Variants in ANKS1A observed in about 807,000 individuals in gnomAD.
ANKS1A encodes ankyrin repeat and SAM domain-containing protein 1A.
Under a neutral mutation model 120.3 loss-of-function variants are expected in ANKS1A, and 55 were observed. That is an observed-to-expected ratio of 0.46 (90% CI 0.37 to 0.57). The LOEUF (loss-of-function observed/expected upper bound fraction) is 0.57, where lower values mean the gene tolerates loss of function less well. ANKS1A is among the 20% of genes least tolerant of loss of function. The probability of loss-of-function intolerance (pLI) is 0.00; values close to 1 mark genes in which losing one functional copy is unlikely to be tolerated. For missense variants in ANKS1A, 1,123 were observed against 1,480.3 expected, an observed-to-expected ratio of 0.76 and a Z score of 3.96; for synonymous variants, 590 against 604.7, an observed-to-expected ratio of 0.98 and a Z score of 0.36.
At chr6:35,027,717 C>T (rs1742882588) in intron 11 of ANKS1A, among the ~76,000 whole-genome samples, 1 of 152,200 alleles carries the variant, frequency 6.6e-6, no homozygotes, top group Non-Finnish European at 1.5e-5. Context: ...TCTCTGATCT[C>T]AGCTCTGTGA....
chr6:35,019,393 A>G (rs1286564081), intron 11 of ANKS1A, among the ~76,000 whole-genome samples: 1 of 152,238 alleles, frequency 6.6e-6, no homozygotes, highest in East Asian at 1.9e-4. Context: ...TATGTAAACC[A>G]AAGCCAATCC....
intron 11 of ANKS1A, among the ~76,000 whole-genome samples, chr6:35,035,526 TA>T (rs919568558): frequency 6.6e-6 from 1 of 152,218 alleles, no homozygotes; most frequent in East Asian, 1.9e-4. Flanking sequence ...TATAGGTGGG[TA>T]AATGTGCCCC....
downstream of ANKS1A, among the ~76,000 whole-genome samples, chr6:35,095,428 A>C (rs911560776): frequency 6.6e-5 from 10 of 151,204 alleles, no homozygotes; most frequent in Non-Finnish European, 1.3e-4. Context: ...ATGGCGGTGC[A>C]TGCCTATAAT....
intron 13 of ANKS1A, among the ~76,000 whole-genome samples, chr6:35,069,124 C>T (rs1441619451): frequency 6.6e-6 from 1 of 152,202 alleles, no homozygotes; most frequent in African/African-American, 2.4e-5. Context: ...CCAGGCCTTT[C>T]CCACTGGTTC....
At chr6:35,069,141 G>A (rs921886884) in intron 13 of ANKS1A, among the ~76,000 whole-genome samples, 27 of 152,154 alleles carry the variant, frequency 1.8e-4, no homozygotes, top group African/African-American at 6.0e-4. Flanking sequence ...GTTCAAGGTC[G>A]GTAAGCCCTG....
At chr6:35,067,545 T>C (rs1344711058) in intron 13 of ANKS1A, among the ~76,000 whole-genome samples, 1 of 152,048 alleles carries the variant, frequency 6.6e-6, no homozygotes, top group Non-Finnish European at 1.5e-5. Context: ...GTTGGTGCCG[T>C]CGCCACAGGT....
intron 1 of ANKS1A, among the ~76,000 whole-genome samples, chr6:34,891,613 C>G (rs1040244435): frequency 1.3e-5 from 2 of 152,124 alleles, no homozygotes; most frequent in African/African-American, 2.4e-5. Flanking sequence ...CTCCCACCCT[C>G]AAACACAGGT....
chr6:35,092,557 C>T (rs1778341410), downstream of ANKS1A, among the ~76,000 whole-genome samples: 1 of 152,190 alleles, frequency 6.6e-6, no homozygotes, highest in Admixed American at 6.5e-5. Flanking sequence ...GGAGGCCTCA[C>T]ATTCCAGAGG....
At chr6:35,020,125 G>T (rs1469957834) in intron 11 of ANKS1A, among the ~76,000 whole-genome samples, 1 of 152,002 alleles carries the variant, frequency 6.6e-6, no homozygotes, top group East Asian at 1.9e-4. Flanking sequence ...ACCAGGTAGT[G>T]AGAGGGCCTC....
At position 35,044,765 on chromosome 6, in the gene ANKS1A, A is replaced by G. The variant is rs1325652795; in HGVS notation, c.2011-9334A>G. On this transcript the variant is annotated intron_variant, in intron 11 of 23. Transcript: ENST00000360359. The surrounding 1 kb of genome is among the most constrained non-coding windows in gnomAD (Gnocchi z 4.4). Reference sequence around the variant, plus strand: ...AAACAAAACAACAAAAAACAAAGGAACCTGGATTTTGATTAACTTGTTTTT... The same window carrying G: ...AAACAAAACAACAAAAAACAAAGGAGCCTGGATTTTGATTAACTTGTTTTT... Among the ~76,000 whole-genome samples the G allele has an allele frequency of 1.3e-5, 2 of 152,166 alleles. No individual in the cohort carries two copies. The highest frequency in any genetic ancestry group is 2.9e-5 in the Non-Finnish European group (2 of 68,044).
At chr6:34,915,685 T>A (rs1032833608) in intron 1 of ANKS1A, among the ~76,000 whole-genome samples, 3 of 152,114 alleles carry the variant, frequency 2.0e-5, no homozygotes, top group African/African-American at 7.2e-5. Flanking sequence ...GGTTTTTATA[T>A]TCCCAAGATG....
rs200759331 is a variant in ANKS1A, at chr6:35,086,961, C to T, written c.3313C>T (p.Pro1105Ser). Residue 1105 changes from proline (P) to serine (S), a missense_variant, in exon 23 of 24, where the codon CCT (proline) becomes TCT (serine). Pro to Ser is a moderately conservative substitution (Grantham distance 74). Around this residue, in one of 3 missense-constraint regions of ANKS1A, gnomAD observed 904 missense variants for 1,130.4 expected, o/e 0.80. Coordinates refer to ENST00000360359, the MANE Select transcript of ANKS1A (RefSeq NM_015245.3). This position sits in a 1 kb window ranked among gnomAD's most constrained non-coding sequence, Gnocchi z 5.1. Reference sequence around the variant, plus strand: ...CTTCCTTGTTTGGCAGCTGGAACCACCTGATATGGACCAAGATGCCCAATC... The same window carrying T: ...CTTCCTTGTTTGGCAGCTGGAACCATCTGATATGGACCAAGATGCCCAATC... ...VGVRKSALEP[P>S]DMDQDAQSHA... 2 of 1,614,168 alleles carry T rather than the reference C, an allele frequency of 1.2e-6. No homozygotes were observed. Among genetic ancestry groups the T allele is most frequent in the African/African-American group, 1.3e-5 (1 of 75,040 alleles).
At chr6:35,021,667 C>T (rs1353818326) in intron 11 of ANKS1A, among the ~76,000 whole-genome samples, 1 of 152,066 alleles carries the variant, frequency 6.6e-6, no homozygotes, top group Non-Finnish European at 1.5e-5. Context: ...GAACTGAGGA[C>T]TGGAGTGTGT....
Position 35,050,699 on chromosome 6 carries a change from A to G in ANKS1A, c.2011-3400A>G, listed in dbSNP as rs927163393. On this transcript the variant is annotated intron_variant, in intron 11 of 23. Transcript: ENST00000360359. This position sits in a 1 kb window ranked among gnomAD's most constrained non-coding sequence, Gnocchi z 4.3. ...AGCTCCGGCTTCTCCCCATCTGCAC[A>G]GCTCAGGCTGAGGGCTTGGGCAGAC... is the stretch of plus-strand genomic sequence containing the variant. Among the ~76,000 whole-genome samples, 1 of 152,256 alleles carries G rather than the reference A, an allele frequency of 6.6e-6. No homozygotes were observed. The highest frequency in any genetic ancestry group is 2.4e-5 in the African/African-American group (1 of 41,472).
In ANKS1A at chr6:35,090,447, T is replaced by A. The variant is rs929317554; in HGVS notation, c.*1838T>A. The A allele has an allele frequency of 8.5e-6, 10 of 1,172,542 alleles. No individual in the cohort carries two copies. The Admixed American group carries it at 1.8e-4, about 22-fold the overall frequency. 72.6% of individuals were successfully genotyped at this position (1,172,542 alleles called of 1,614,324 possible). ...AGAAACCGCAGACACTACGATGCAC[T>A]CCTCAAGCTGTCTTTTGTGCTTAGA... is the stretch of plus-strand genomic sequence containing the variant. On this transcript the variant is annotated 3_prime_UTR_variant, in exon 24 of 24. Coordinates refer to ENST00000360359, the MANE Select transcript of ANKS1A (RefSeq NM_015245.3).
chr6:34,927,526 C>A (rs192623326), intron 1 of ANKS1A, among the ~76,000 whole-genome samples: 1 of 152,086 alleles, frequency 6.6e-6, no homozygotes, highest in East Asian at 1.9e-4. Context: ...ACTTGAAGTT[C>A]AAGCAGATGA....
intron 1 of ANKS1A, among the ~76,000 whole-genome samples, chr6:34,912,553 C>T (rs3800450): frequency 0.072 from 11,005 of 152,214 alleles, 602 homozygotes; most frequent in East Asian, 0.23. Flanking sequence ...CCCTTCACCT[C>T]TGAGAAGGAA....
rs74391999 is a variant in ANKS1A, at chr6:35,041,385, C to T, written c.2011-12714C>T. Among the ~76,000 whole-genome samples the T allele has an allele frequency of 3.7e-4, 56 of 152,294 alleles. No homozygotes were observed. In the East Asian group the frequency reaches 0.01, roughly 28 times the overall value. On this transcript the variant is annotated intron_variant, in intron 11 of 23. Coordinates refer to ENST00000360359, the MANE Select transcript of ANKS1A (RefSeq NM_015245.3). ...GATGGCCTTTGAATTGTGGGCAGCT[C>T]GGGGGTCTCCCACTGCAAAGGTCTC... is the stretch of plus-strand genomic sequence containing the variant.
chr6:34,930,159 G>T (rs566594856), intron 1 of ANKS1A, among the ~76,000 whole-genome samples: 72 of 152,118 alleles, frequency 4.7e-4, no homozygotes, highest in African/African-American at 1.7e-3. Context: ...ACATCTAATG[G>T]GATCATCTCC....
Sources: gnomAD v4.1 joint callset for allele counts (sites outside exome capture counted in the v4.1 genomes callset) on GRCh38, gnomAD v4.1.1 for gene constraint, gnomAD v4.1.1 regional missense constraint, Gnocchi (gnomAD v3.1) non-coding constraint, MANE v1.5 for transcripts, NCBI Gene and HGNC (gene_info 2026-07-23, HGNC 2026-07-21) for gene names.